The following MED13 variants were observed in gnomAD, a reference collection of about 807,000 sequenced individuals.
MED13 encodes mediator complex subunit 13.
Under a neutral mutation model 225.2 loss-of-function variants are expected in MED13, and 23 were observed. That is an observed-to-expected ratio of 0.10 (90% CI 0.07 to 0.14). The LOEUF (loss-of-function observed/expected upper bound fraction) is 0.14. MED13 is among the 10% of genes least tolerant of loss of function. The pLI is 1.00. For synonymous variants in MED13, 942 were observed against 889.2 expected, an observed-to-expected ratio of 1.06 and a Z score of -1.06; for missense variants, 2,197 against 2,594.5, an observed-to-expected ratio of 0.85 and a Z score of 3.33.
At chr17:62,024,742 G>A (rs1342391652) in intron 8 of MED13, among the ~76,000 whole-genome samples, 1 of 152,068 alleles carries the variant, frequency 6.6e-6, no homozygotes, top group Non-Finnish European at 1.5e-5. Flanking sequence ...GTGTCCATGA[G>A]TTCTCATCAT....
At chr17:62,008,768 T>C (rs778632527) in intron 9 of MED13, among the ~76,000 whole-genome samples, 6 of 151,450 alleles carry the variant, frequency 4.0e-5, no homozygotes, top group South Asian at 2.1e-4. Flanking sequence ...TTATAAAAAA[T>C]TGTGGTATTA....
intron 17 of MED13, among the ~76,000 whole-genome samples, chr17:61,970,231 G>C (rs2080095060): frequency 6.6e-6 from 1 of 152,178 alleles, no homozygotes. Context: ...AGAAGTAGCA[G>C]AGTAGGAATT....
chr17:61,961,519 CAAAAAAA>C (rs56723756), intron 22 of MED13, 62 bp downstream of exon 22: 65 of 733,242 alleles, frequency 8.9e-5, no homozygotes, highest in African/African-American at 2.4e-4. Context: ...GGCTCCATCT[CAAAAAAA>C]AAAAAAAAAA....
At position 61,946,899 on chromosome 17, in the gene MED13, A is replaced by T. The variant is rs747953657; in HGVS notation, c.6392+18T>A. On this transcript the variant is annotated intron_variant, in intron 29 of 29. Coordinates refer to ENST00000397786, the MANE Select transcript of MED13 (RefSeq NM_005121.3). ...TTAAAGTTGCAGTGACAAACTGTTAATGGTAAAAGAGTTGTACCTGAGGAC... is the reference window on the plus strand; with the variant it reads ...TTAAAGTTGCAGTGACAAACTGTTATTGGTAAAAGAGTTGTACCTGAGGAC... The T allele has an allele frequency of 6.4e-7, 1 of 1,568,610 alleles. No individual in the cohort carries two copies. The highest frequency in any genetic ancestry group is 1.1e-5 in the South Asian group (1 of 89,476).
At chr17:61,990,073 A>G (rs908083238) in intron 11 of MED13, among the ~76,000 whole-genome samples, 1 of 152,184 alleles carries the variant, frequency 6.6e-6, no homozygotes, top group Non-Finnish European at 1.5e-5. Context: ...CCAAATATTA[A>G]AACTTTGTCA....
At chr17:61,976,053 T>C (rs886915955) in intron 16 of MED13, among the ~76,000 whole-genome samples, 1 of 152,006 alleles carries the variant, frequency 6.6e-6, no homozygotes, top group Non-Finnish European at 1.5e-5. Context: ...AAACAGAATA[T>C]GACTCAGTGA....
Position 61,946,532 on chromosome 17 carries a change from G to A in MED13, c.6461C>T (p.Ser2154Leu), listed in dbSNP as rs779308425. The change falls in exon 30 of 30, where the codon TCA becomes TTA. Residue 2154 changes from serine to leucine, a missense_variant. Physicochemically the swap from Ser to Leu is moderately radical, Grantham distance 145 (BLOSUM62 -2). Around this residue, in one of 12 missense-constraint regions of MED13, gnomAD observed 216 missense variants for 388.9 expected, o/e 0.56. Transcript: ENST00000397786. ...TCDPATQDRR[S>L]CLPIHFVVLN... ...CACCACAAAATGAATTGGGAGACAT[G>A]AGCGTCTGTCCTGGGTTGCAGGGTC... 1 of 1,613,756 alleles carries A rather than the reference G, an allele frequency of 6.2e-7. No individual in the cohort carries two copies. Among genetic ancestry groups the A allele is most frequent in the African/African-American group, 1.3e-5 (1 of 74,922 alleles).
rs115783393 is a variant in MED13, at chr17:62,045,174, T to A, written c.470+7363A>T. 5.2e-3 allele frequency among the ~76,000 whole-genome samples: 795 copies of A among 152,320 alleles called. 5 individuals are homozygous for A. The highest frequency in any genetic ancestry group is 0.018 in the African/African-American group (750 of 41,564). ...TCATCTGCCACTTAACAAAACCTCC[T>A]ATGTCACTATATACGTAAGATACTG... On this transcript the variant is annotated intron_variant, in intron 3 of 29. Coordinates refer to ENST00000397786, the MANE Select transcript of MED13 (RefSeq NM_005121.3).
chr17:61,967,506 A>C (rs1296561026), intron 18 of MED13, among the ~76,000 whole-genome samples: 1 of 152,234 alleles, frequency 6.6e-6, no homozygotes, highest in Admixed American at 6.5e-5. Context: ...AGGAGGGAAT[A>C]ATAAAGTAAG....
chr17:61,966,456 C>T lies in MED13; in HGVS notation c.4381+6G>A, dbSNP rs1311067206. The T allele has an allele frequency of 2.5e-6, 4 of 1,602,148 alleles. No homozygotes were observed. Among genetic ancestry groups the T allele is most frequent in the Non-Finnish European group, 3.4e-6 (4 of 1,175,236 alleles). On this transcript the variant is annotated splice_donor_region_variant and intron_variant, in intron 19 of 29. Coordinates refer to ENST00000397786, the MANE Select transcript of MED13 (RefSeq NM_005121.3). ...CAGCCTTATACAATAAATACAAATT[C>T]AATACCTAGGTCATATCTGCAGACT...
intron 2 of MED13, among the ~76,000 whole-genome samples, chr17:62,054,032 C>T (rs925983763): frequency 1.3e-5 from 2 of 151,980 alleles, no homozygotes; most frequent in African/African-American, 2.4e-5. Flanking sequence ...TTAGGCTGGG[C>T]GCAGTTACTC....
intron 28 of MED13, among the ~76,000 whole-genome samples, chr17:61,948,285 T>A (rs1173495927): frequency 6.6e-6 from 1 of 152,200 alleles, no homozygotes; most frequent in Non-Finnish European, 1.5e-5. Context: ...GAAGTCCTAA[T>A]CTTGTTACAA....
At position 62,010,561 on chromosome 17, in the gene MED13, T is replaced by C. The variant is rs200920177; in HGVS notation, c.1956A>G (p.Thr652=). The C allele has an allele frequency of 7.5e-6, 11 of 1,460,376 alleles. No individual in the cohort carries two copies. In the Admixed American group the frequency reaches 1.8e-4, roughly 23 times the overall value. 90.5% of individuals were successfully genotyped at this position (1,460,376 alleles called of 1,614,324 possible). A position where few individuals can be genotyped will look rare whatever the true frequency, so the allele number is the denominator to read the frequency against. The change falls in exon 9 of 30, where the codon ACA becomes ACG. Residue 652 remains threonine, a synonymous_variant. Transcript: ENST00000397786. ...AAAAAAATACATACTCTGTAACTGA[T>C]GTTACACTTTCCTGTCCAAAAGGTC... ...PVGPFGQESV[T]SVTELMVQCK... is the part of the protein sequence containing the mutation.
intron 16 of MED13, among the ~76,000 whole-genome samples, chr17:61,980,315 G>C (rs2080193248): frequency 6.6e-6 from 1 of 151,992 alleles, no homozygotes; most frequent in African/African-American, 2.4e-5. Flanking sequence ...ACTTATAAAT[G>C]TCAGCTCCAT....
rs533320027 is a variant in MED13 at position 62,003,544 on chromosome 17, G to A, written c.1967+7006C>T. ...TGCTTGAAGCCAGGAGGCAGAGGTT[G>A]CAGTGAGCCAAGATTGTGCCATTGC... On this transcript the variant is annotated intron_variant, in intron 9 of 29. Transcript: ENST00000397786. Among the ~76,000 whole-genome samples the A allele has an allele frequency of 2.2e-5, 3 of 137,686 alleles. No homozygotes were observed. The East Asian group carries it at 7.5e-4, about 34-fold the overall frequency. 90.3% of individuals were successfully genotyped at this position (137,686 alleles called of 152,430 possible).
intron 27 of MED13, 132 bp from the exon 28 acceptor site, chr17:61,951,130 T>TG (rs2079893007): frequency 1.5e-6 from 1 of 645,592 alleles, no homozygotes; most frequent in East Asian, 3.3e-5. Context: ...TGAAGGATAT[T>TG]GAAAAAAAAC....
intron 8 of MED13, among the ~76,000 whole-genome samples, chr17:62,013,168 C>A (rs891681869): frequency 5.9e-5 from 9 of 151,494 alleles, no homozygotes; most frequent in Non-Finnish European, 8.8e-5. Flanking sequence ...TCAAAAAAAA[C>A]CAAACTCGTT....
At chr17:61,947,119 C>T (rs956722750) in intron 28 of MED13, 102 bp from the exon 29 acceptor site, 25 of 720,712 alleles carry the variant, frequency 3.5e-5, no homozygotes, top group African/African-American at 3.0e-4. Context: ...TGATGAAATA[C>T]ATTTTAGTCC....
intron 2 of MED13, among the ~76,000 whole-genome samples, chr17:62,054,921 A>T (rs993155203): frequency 6.6e-6 from 1 of 152,234 alleles, no homozygotes; most frequent in Non-Finnish European, 1.5e-5. Flanking sequence ...GTTTTAAAGC[A>T]TCAAAGACCC....
Sources: gnomAD v4.1 joint callset for allele counts (sites outside exome capture counted in the v4.1 genomes callset) on GRCh38, gnomAD v4.1.1 for gene constraint, gnomAD v4.1.1 regional missense constraint, MANE v1.5 for transcripts, NCBI Gene and HGNC (gene_info 2026-07-23, HGNC 2026-07-21) for gene names.